The following GABRR2 variants were observed in gnomAD, a reference collection of about 807,000 sequenced individuals.
GABRR2 encodes gamma-aminobutyric acid type A receptor subunit rho2.
In GABRR2, 36 loss-of-function variants were observed where a neutral mutation model predicts 47.0. The observed-to-expected ratio is 0.77, with a 90% CI of 0.59 to 1.01. The LOEUF (loss-of-function observed/expected upper bound fraction) is 1.01, where lower values mean the gene tolerates loss of function less well. Among genes scored for constraint, GABRR2 ranks in the 50% least tolerant of loss-of-function variants. The probability of loss-of-function intolerance (pLI) is 0.00; values close to 1 mark genes in which losing one functional copy is unlikely to be tolerated. For synonymous variants in GABRR2, 204 were observed against 227.5 expected (o/e 0.90, Z 0.93); for missense variants, 587 against 594.6 (o/e 0.99, Z 0.13).
intron 8 of GABRR2, among the ~76,000 whole-genome samples, chr6:89,259,871 ATC>A (rs1347788971): frequency 2.4e-4 from 21 of 86,232 alleles, no homozygotes; most frequent in African/African-American, 1.3e-3. Context: ...GTAAGAGGTC[ATC>A]TCTCTCTCTC....
intron 2 of GABRR2, among the ~76,000 whole-genome samples, chr6:89,277,844 T>C (rs1374303870): frequency 2.0e-5 from 2 of 99,644 alleles, no homozygotes; most frequent in Non-Finnish European, 3.7e-5. Flanking sequence ...GGAACTCTCA[T>C]ACCTTGCCAG....
intron 2 of GABRR2, among the ~76,000 whole-genome samples, chr6:89,280,559 C>T (rs1774242576): frequency 6.6e-6 from 1 of 152,118 alleles, no homozygotes; most frequent in South Asian, 2.1e-4. Flanking sequence ...CTGCCCGCTG[C>T]CCCTAGACTC....
chr6:89,299,193 C>A (rs1320159433), intron 2 of GABRR2, among the ~76,000 whole-genome samples: 1 of 152,112 alleles, frequency 6.6e-6, no homozygotes, highest in African/African-American at 2.4e-5. Flanking sequence ...CCTTTGGGGG[C>A]AGGTGTGCAA....
rs1243385278 is a variant in GABRR2 at position 89,257,945 on chromosome 6, T to C, written c.1123A>G (p.Met375Val). 4 of 1,613,748 alleles carry C rather than the reference T, an allele frequency of 2.5e-6. No homozygotes were observed. The highest frequency in any genetic ancestry group is 2.2e-5 in the South Asian group (2 of 91,060). The part of the protein sequence containing the change: ...CMCGMLHSKT[M>V]MLDGSYSESE... ...TCACTGTAGCTTCCATCCAGCATCA[T>C]GGTTTTTGAATGAAGCATTCCACAC... The change falls in exon 9 of 9, where the codon ATG (methionine) becomes GTG (valine). Residue 375 changes from methionine (M) to valine (V), a missense_variant. Transcript: ENST00000402938.
intron 2 of GABRR2, among the ~76,000 whole-genome samples, chr6:89,290,676 C>T (rs1275768562): frequency 6.6e-6 from 1 of 152,228 alleles, no homozygotes; most frequent in African/African-American, 2.4e-5. Flanking sequence ...CCTTGCCCTC[C>T]ACCTCCTGCT....
At chr6:89,294,343 A>G (rs1774520485) in intron 2 of GABRR2, among the ~76,000 whole-genome samples, 2 of 152,070 alleles carry the variant, frequency 1.3e-5, no homozygotes, top group African/African-American at 4.8e-5. Flanking sequence ...ATGGGTTTTC[A>G]CCATGTTGAC....
intron 2 of GABRR2, among the ~76,000 whole-genome samples, chr6:89,291,416 G>A (rs374724124): frequency 4.6e-5 from 7 of 152,004 alleles, no homozygotes; most frequent in Non-Finnish European, 7.4e-5. Context: ...CCAGAGCGGC[G>A]CTGCCCATTG....
chr6:89,271,718 A>G lies in GABRR2; in HGVS notation c.225T>C (p.Pro75=). The G allele has an allele frequency of 5.0e-6, 8 of 1,611,722 alleles. No individual in the cohort carries two copies. The highest frequency in any genetic ancestry group is 6.8e-6 in the Non-Finnish European group (8 of 1,178,952). Residue 75 remains proline, a synonymous_variant, in exon 3 of 9, where the codon CCT becomes CCC. Coordinates refer to ENST00000402938, the MANE Select transcript of GABRR2 (RefSeq NM_002043.5). ...GTACGTCCACGCCCACCGGGATGGC[A>G]GGGCCTGCAGAAGAGCAGAGACAGC... ...DFSMRPAFGG[P]AIPVGVDVQV... is the part of the protein sequence containing the mutation.
chr6:89,259,930 G>T (rs1220164539), intron 8 of GABRR2, among the ~76,000 whole-genome samples: 10 of 145,788 alleles, frequency 6.9e-5, no homozygotes, highest in African/African-American at 5.1e-5. Context: ...TTTTAGACAG[G>T]GTCCTGCTTT....
At chr6:89,296,990 C>G (rs115475800) in intron 2 of GABRR2, among the ~76,000 whole-genome samples, 2,368 of 152,206 alleles carry the variant, frequency 0.016, 71 homozygotes, top group African/African-American at 0.054. Flanking sequence ...AGGTGATGGC[C>G]CAGGCTCCTG....
intron 1 of GABRR2, chr6:89,301,953 T>A: frequency 2.2e-6 from 2 of 918,930 alleles, no homozygotes; most frequent in African/African-American, 3.2e-5. Flanking sequence ...CCTCTTCTCA[T>A]AAGTATGTGC....
chr6:89,258,336 T>TG (rs1182017289), intron 8 of GABRR2, among the ~76,000 whole-genome samples: 3 of 152,114 alleles, frequency 2.0e-5, no homozygotes, highest in African/African-American at 4.8e-5. Flanking sequence ...ACCACACAGC[T>TG]GGTGTCAGAG....
chr6:89,263,128 G>A (rs1773788768), intron 8 of GABRR2, among the ~76,000 whole-genome samples: 1 of 152,192 alleles, frequency 6.6e-6, no homozygotes, highest in African/African-American at 2.4e-5. Context: ...CCCGGAGACA[G>A]TAGGACCAAA....
intron 4 of GABRR2, among the ~76,000 whole-genome samples, 154 bp downstream of exon 4, chr6:89,268,857 T>C (rs772532722): frequency 3.9e-5 from 6 of 152,136 alleles, no homozygotes; most frequent in Non-Finnish European, 5.9e-5. Flanking sequence ...GGGGTGGCCA[T>C]GTCATGTTTA....
intron 2 of GABRR2, among the ~76,000 whole-genome samples, chr6:89,291,558 C>T (rs1249004943): frequency 3.9e-5 from 6 of 152,012 alleles, no homozygotes; most frequent in African/African-American, 1.2e-4. Context: ...CCGGGGTATA[C>T]CCTTCTTCTT....
At chr6:89,298,655 C>G (rs1774597040) in intron 2 of GABRR2, among the ~76,000 whole-genome samples, 1 of 152,176 alleles carries the variant, frequency 6.6e-6, no homozygotes, top group South Asian at 2.1e-4. Flanking sequence ...GAAAGTTGGC[C>G]CAGGGATCTC....
intron 1 of GABRR2, among the ~76,000 whole-genome samples, chr6:89,314,754 C>T (rs144264902): frequency 2.2e-4 from 34 of 152,314 alleles, no homozygotes; most frequent in Middle Eastern, 6.8e-3. Flanking sequence ...GTGATTTGTA[C>T]AGAGAATGAT....
At position 89,264,619 on chromosome 6, in the gene GABRR2, C is replaced by T. The variant is rs1415728820; in HGVS notation, c.890-11G>A. ...GCACCGTCGTGATACCTGCAACACC[C>T]GGCCTTAGTTGGGCTGCTGACAGCG... is the stretch of plus-strand genomic sequence containing the variant. On this transcript the variant is annotated splice_polypyrimidine_tract_variant and intron_variant, in intron 7 of 8. Coordinates refer to ENST00000402938, the MANE Select transcript of GABRR2 (RefSeq NM_002043.5). 3.7e-6 allele frequency: 6 copies of T among 1,613,562 alleles called. No homozygotes were observed. The highest frequency in any genetic ancestry group is 3.3e-5 in the South Asian group (3 of 91,048).
At chr6:89,289,082 A>T (rs138339164) in intron 2 of GABRR2, among the ~76,000 whole-genome samples, 2 of 152,370 alleles carry the variant, frequency 1.3e-5, no homozygotes, top group African/African-American at 4.8e-5. Context: ...GAGGAAAGAG[A>T]TTAAGCTGGG....
Sources: allele counts gnomAD v4.1 joint callset (sites outside exome capture counted in the v4.1 genomes callset), GRCh38; gene constraint gnomAD v4.1.1; transcripts MANE v1.5; gene names NCBI Gene and HGNC (gene_info 2026-07-23, HGNC 2026-07-21).